ARFIP1: variants seen among roughly 807,000 people sequenced by gnomAD.
ARFIP1 encodes arfaptin-1.
A neutral mutation model predicts 42.5 loss-of-function variants in ARFIP1; 24 were observed. The ratio of observed to expected loss-of-function variants is 0.57; its 90% CI spans 0.41 to 0.80. The LOEUF is 0.80. Among genes scored for constraint, ARFIP1 ranks in the 30% least tolerant of loss-of-function variants. The pLI is 0.00. For synonymous variants in ARFIP1, 141 were observed against 153.7 expected (o/e 0.92, Z 0.61); for missense variants, 354 against 434.0 (o/e 0.82, Z 1.64).
intron 6 of ARFIP1, among the ~76,000 whole-genome samples, chr4:152,881,683 A>C (rs926540609): frequency 4.6e-5 from 7 of 152,162 alleles, no homozygotes; most frequent in Non-Finnish European, 7.4e-5. Flanking sequence ...TTATCTGCCA[A>C]TATTTGCAAC....
intron 1 of ARFIP1, among the ~76,000 whole-genome samples, chr4:152,813,139 C>T (rs1729598473): frequency 6.6e-6 from 1 of 152,144 alleles, no homozygotes; most frequent in African/African-American, 2.4e-5. Flanking sequence ...AAAAATAATA[C>T]AGTGTAACAG....
intron 8 of ARFIP1, among the ~76,000 whole-genome samples, chr4:152,900,347 C>T (rs1463773260): frequency 6.6e-6 from 1 of 152,156 alleles, no homozygotes; most frequent in Non-Finnish European, 1.5e-5. Flanking sequence ...TTACTGGAGT[C>T]TATAGGTAAT....
chr4:152,829,897 C>T (rs1049431543), intron 2 of ARFIP1, among the ~76,000 whole-genome samples, 171 bp downstream of exon 2: 2 of 151,978 alleles, frequency 1.3e-5, no homozygotes, highest in African/African-American at 2.4e-5. Context: ...AGTAGTTTGT[C>T]AAGATTAAGC....
At chr4:152,899,772 C>T (rs1366100497) in intron 8 of ARFIP1, among the ~76,000 whole-genome samples, 1 of 152,134 alleles carries the variant, frequency 6.6e-6, no homozygotes, top group Non-Finnish European at 1.5e-5. Context: ...GGACACTAAT[C>T]TTTGAGTACT....
intron 1 of ARFIP1, among the ~76,000 whole-genome samples, chr4:152,804,367 T>A (rs868073551): frequency 2.0e-4 from 19 of 95,124 alleles, no homozygotes; most frequent in Non-Finnish European, 3.2e-4. Context: ...TATTATATAT[T>A]ATATATAATA....
At chr4:152,825,427 A>G (rs1730754168) in intron 1 of ARFIP1, among the ~76,000 whole-genome samples, 1 of 152,206 alleles carries the variant, frequency 6.6e-6, no homozygotes. Context: ...TTGACAATGC[A>G]TACAAAAGCA....
chr4:152,827,712 G>A (rs777403360), intron 1 of ARFIP1, among the ~76,000 whole-genome samples: 1 of 152,068 alleles, frequency 6.6e-6, no homozygotes, highest in Non-Finnish European at 1.5e-5. Flanking sequence ...ATCTTGCTCT[G>A]TTGCCCAGGC....
At chr4:152,908,470 C>T (rs377322394) in intron 8 of ARFIP1, among the ~76,000 whole-genome samples, 5 of 151,942 alleles carry the variant, frequency 3.3e-5, no homozygotes, top group Admixed American at 2.0e-4. Flanking sequence ...ATTATCCAGG[C>T]GTGGTGGTGC....
chr4:152,910,034 C>T (rs1738709241), intron 8 of ARFIP1, 30 bp from the exon 9 acceptor site: 1 of 1,606,226 alleles, frequency 6.2e-7, no homozygotes, highest in Non-Finnish European at 8.5e-7. Flanking sequence ...GGTGTTAATG[C>T]TTGGTCTTGT....
intron 2 of ARFIP1, among the ~76,000 whole-genome samples, chr4:152,847,142 T>TTTTTTTG (rs1732616309): frequency 7.9e-6 from 1 of 126,458 alleles, no homozygotes; most frequent in East Asian, 2.2e-4. Context: ...TTTTTTTTTT[T>TTTTTTTG]TTTTTTGAGA....
intron 5 of ARFIP1, among the ~76,000 whole-genome samples, chr4:152,873,796 C>A (rs1031170395): frequency 6.6e-6 from 1 of 152,162 alleles, no homozygotes; most frequent in African/African-American, 2.4e-5. Context: ...AACGTGGGTT[C>A]GCTCCTGCTT....
intron 2 of ARFIP1, among the ~76,000 whole-genome samples, chr4:152,851,268 G>T (rs570991961): frequency 1.8e-4 from 27 of 152,164 alleles, no homozygotes; most frequent in Admixed American, 3.9e-4. Context: ...GAAAAATGTT[G>T]TGCTAGGCCA....
chr4:152,889,926 A>C (rs1176350208), intron 8 of ARFIP1, among the ~76,000 whole-genome samples: 2 of 139,712 alleles, frequency 1.4e-5, no homozygotes, highest in Non-Finnish European at 3.0e-5. Context: ...TAGTGTATGT[A>C]TACTATACAT....
At chr4:152,864,098 T>C (rs561563117) in intron 3 of ARFIP1, among the ~76,000 whole-genome samples, 103 of 152,316 alleles carry the variant, frequency 6.8e-4, no homozygotes, top group Non-Finnish European at 1.3e-3. Flanking sequence ...CTTTTTACGT[T>C]ATATAGGAGG....
chr4:152,830,039 A>G (rs572054596), intron 2 of ARFIP1, among the ~76,000 whole-genome samples: 1 of 152,294 alleles, frequency 6.6e-6, no homozygotes, highest in East Asian at 1.9e-4. Context: ...TATCCTTTTA[A>G]AATTGGCACT....
chr4:152,829,714 T>C lies in ARFIP1; in HGVS notation c.81T>C (p.His27=). 2 of 1,602,958 alleles carry C rather than the reference T, an allele frequency of 1.2e-6. No homozygotes were observed. Among genetic ancestry groups the C allele is most frequent in the Non-Finnish European group, 1.7e-6 (2 of 1,174,012 alleles). The change falls in exon 2 of 9, where the codon CAT becomes CAC. Residue 27 remains histidine (H), a synonymous_variant. Coordinates refer to ENST00000353617, the MANE Select transcript of ARFIP1 (RefSeq NM_001025595.3). The stretch of plus-strand genomic sequence containing the variant: ...GAGAAGTTGATGACTCTCGTGAACA[T>C]AGCTTTAATAGGGTAAGAACACTTT... ...SNGEVDDSRE[H]SFNRDLKHSL...
chr4:152,910,647 G>A lies in ARFIP1; in HGVS notation c.*428G>A, dbSNP rs1161677390. The A allele has an allele frequency of 6.5e-6, 1 of 153,878 alleles. No homozygotes were observed. The highest frequency in any genetic ancestry group is 1.4e-5 in the Non-Finnish European group (1 of 69,086). The allele number at this position is 153,878 out of a possible 1,614,324, so 9.5% of individuals were successfully genotyped here. On this transcript the variant is annotated 3_prime_UTR_variant, in exon 9 of 9. Transcript: ENST00000353617. ...GTGAATATATTAAACATCTTTAAGA[G>A]ATTCATTTTCATGTATTAAAGAAAA...
intron 3 of ARFIP1, among the ~76,000 whole-genome samples, chr4:152,867,692 T>A (rs992531316): frequency 1.3e-5 from 2 of 152,226 alleles, no homozygotes; most frequent in African/African-American, 2.4e-5. Flanking sequence ...TGAACTGATA[T>A]ACATGAGCAT....
Position 152,863,635 on chromosome 4 carries a change from T to TG in ARFIP1, c.125dup (p.Leu43SerfsTer12). 1 of 1,607,534 alleles carries TG rather than the reference T, an allele frequency of 6.2e-7. No individual in the cohort carries two copies. The highest frequency in any genetic ancestry group is 8.5e-7 in the Non-Finnish European group (1 of 1,174,354). ...TGAAGCATTCATTACCATCTGGACT[T>TG]GGTCTCTCAGAAACCCAAATTACAT... On this transcript the variant is annotated frameshift_variant, in exon 3 of 9. Coordinates refer to ENST00000353617, the MANE Select transcript of ARFIP1 (RefSeq NM_001025595.3). LOFTEE classifies it high-confidence loss of function.
Sources: gnomAD v4.1 joint callset for allele counts (sites outside exome capture counted in the v4.1 genomes callset) on GRCh38, gnomAD v4.1.1 for gene constraint, MANE v1.5 for transcripts, NCBI Gene and HGNC (gene_info 2026-07-23, HGNC 2026-07-21) for gene names.